The following CADPS2 variants were observed in gnomAD, a reference collection of about 807,000 sequenced individuals.
CADPS2 encodes calcium dependent secretion activator 2, also known as calcium-dependent secretion activator 2.
CADPS2 carries 93 observed loss-of-function variants against 172.5 expected under a neutral mutation model. The observed-to-expected ratio is 0.54, with a 90% CI of 0.46 to 0.64. CADPS2 has a LOEUF of 0.64. Ranked by LOEUF, CADPS2 falls within the 30% of genes least tolerant of loss-of-function variation. The pLI is 0.00. For missense variants in CADPS2, 1,420 were observed against 1,565.9 expected, an observed-to-expected ratio of 0.91 and a Z score of 1.57; for synonymous variants, 546 against 555.2, an observed-to-expected ratio of 0.98 and a Z score of 0.23.
chr7:122,656,450 G>T (rs1588168771), intron 3 of CADPS2, among the ~76,000 whole-genome samples: 1 of 152,208 alleles, frequency 6.6e-6, no homozygotes, highest in Non-Finnish European at 1.5e-5. Flanking sequence ...GAGAGAACAG[G>T]AGACAGGACT....
At chr7:122,552,327 G>A (rs1387900806) in intron 8 of CADPS2, among the ~76,000 whole-genome samples, 1 of 152,096 alleles carries the variant, frequency 6.6e-6, no homozygotes, top group Non-Finnish European at 1.5e-5. Context: ...GGAAATGCCT[G>A]TATCTCTTAG....
At chr7:122,606,402 G>C (rs2073548889) in intron 6 of CADPS2, among the ~76,000 whole-genome samples, 1 of 152,140 alleles carries the variant, frequency 6.6e-6, no homozygotes, top group South Asian at 2.1e-4. Flanking sequence ...TGGGGAAGTT[G>C]TCTTGCTTAT....
chr7:122,503,329 C>A (rs745427327), intron 9 of CADPS2, among the ~76,000 whole-genome samples: 1 of 152,010 alleles, frequency 6.6e-6, no homozygotes. Flanking sequence ...CCACTGTGCA[C>A]GGCCAATACA....
rs73717672 is a variant in CADPS2, at chr7:122,525,919, G to A, written c.1476-12604C>T. Reference sequence around the variant, plus strand: ...TGTTTCTAAGCATATCTAAACATAGGCTACAGTAAAAAAGGTTATAATCTT... The same window carrying A: ...TGTTTCTAAGCATATCTAAACATAGACTACAGTAAAAAAGGTTATAATCTT... On this transcript the variant is annotated intron_variant, in intron 8 of 29. Transcript: ENST00000449022. Among the ~76,000 whole-genome samples the A allele has an allele frequency of 7.8e-3, 1,185 of 152,148 alleles. 16 individuals carry two copies. The highest frequency in any genetic ancestry group is 0.028 in the African/African-American group (1,145 of 41,504).
intron 1 of CADPS2, among the ~76,000 whole-genome samples, chr7:122,829,732 A>G (rs926597163): frequency 2.6e-5 from 4 of 152,216 alleles, no homozygotes; most frequent in Non-Finnish European, 5.9e-5. Context: ...GTCTTTTAAG[A>G]AAACATTCAG....
chr7:122,702,048 C>T lies in CADPS2; in HGVS notation c.453+34907G>A, dbSNP rs745627657. 1.7e-5 allele frequency: 27 copies of T among 1,613,496 alleles called. No homozygotes were observed. The South Asian group carries it at 2.4e-4, about 14-fold the overall frequency. On this transcript the variant is annotated intron_variant, in intron 2 of 29. Coordinates refer to ENST00000449022, the MANE Select transcript of CADPS2 (RefSeq NM_017954.11). ...ACTCGCAGTTGAAGCTGGTCAATAG[C>T]TTTCTTCACATCTGTCTTTATTTGA...
At chr7:122,697,783 T>C (rs1311042830) in intron 2 of CADPS2, 4 of 1,558,930 alleles carry the variant, frequency 2.6e-6, no homozygotes, top group Non-Finnish European at 3.5e-6. Flanking sequence ...TCAAAAGTCA[T>C]GCCATCAAGG....
intron 1 of CADPS2, among the ~76,000 whole-genome samples, chr7:122,845,029 A>C (rs145417558): frequency 5.1e-4 from 77 of 152,318 alleles, no homozygotes; most frequent in African/African-American, 1.8e-3. Context: ...AAAACTTCAA[A>C]TAAGGCTTCC....
chr7:122,667,674 G>T (rs1176620124), intron 2 of CADPS2, among the ~76,000 whole-genome samples: 1 of 152,106 alleles, frequency 6.6e-6, no homozygotes, highest in Non-Finnish European at 1.5e-5. Context: ...AAAGGCAAAA[G>T]AAAAGAAGTT....
intron 6 of CADPS2, among the ~76,000 whole-genome samples, chr7:122,599,226 G>A (rs920696136): frequency 3.9e-5 from 6 of 151,972 alleles, no homozygotes; most frequent in Non-Finnish European, 8.8e-5. Context: ...CCTCCAAAAC[G>A]CAACAGAATT....
chr7:122,386,039 T>C (rs1028523818), intron 24 of CADPS2, among the ~76,000 whole-genome samples: 1 of 152,112 alleles, frequency 6.6e-6, no homozygotes, highest in Non-Finnish European at 1.5e-5. Context: ...GAGGAGTTTA[T>C]AAATTCTGCA....
chr7:122,669,537 G>T (rs1394415872), intron 2 of CADPS2, among the ~76,000 whole-genome samples: 1 of 151,868 alleles, frequency 6.6e-6, no homozygotes, highest in Admixed American at 6.6e-5. Context: ...GTATTGAAAG[G>T]CATGAGCTCC....
At chr7:122,670,173 T>C (rs968873844) in intron 2 of CADPS2, among the ~76,000 whole-genome samples, 1 of 143,150 alleles carries the variant, frequency 7.0e-6, no homozygotes, top group African/African-American at 2.6e-5. Flanking sequence ...TTATTGTCAA[T>C]TGGCATATAT....
chr7:122,656,277 G>C (rs1030016033), intron 3 of CADPS2, among the ~76,000 whole-genome samples: 6 of 152,034 alleles, frequency 3.9e-5, no homozygotes, highest in African/African-American at 9.7e-5. Flanking sequence ...GCAGAAAAAA[G>C]GGGGAGAAAG....
At chr7:122,577,133 G>A (rs2068157202) in intron 7 of CADPS2, among the ~76,000 whole-genome samples, 1 of 152,052 alleles carries the variant, frequency 6.6e-6, no homozygotes, top group African/African-American at 2.4e-5. Context: ...ACCCTGTGAA[G>A]AAGTGCCTTC....
At chr7:122,572,934 T>G (rs2067466439) in intron 7 of CADPS2, among the ~76,000 whole-genome samples, 1 of 152,132 alleles carries the variant, frequency 6.6e-6, no homozygotes, top group African/African-American at 2.4e-5. Flanking sequence ...CGTAAATAGG[T>G]ATTTGCATCT....
At chr7:122,626,751 G>C (rs2076128048) in intron 4 of CADPS2, among the ~76,000 whole-genome samples, 1 of 152,134 alleles carries the variant, frequency 6.6e-6, no homozygotes, top group South Asian at 2.1e-4. Flanking sequence ...CTGTATAGTT[G>C]GTGTTCAATA....
At chr7:122,769,178 T>C (rs2093639643) in intron 1 of CADPS2, among the ~76,000 whole-genome samples, 1 of 152,202 alleles carries the variant, frequency 6.6e-6, no homozygotes. Flanking sequence ...TTTATGATTA[T>C]CACATAAGAA....
intron 8 of CADPS2, among the ~76,000 whole-genome samples, chr7:122,526,543 A>G (rs1316495801): frequency 6.6e-6 from 1 of 152,090 alleles, no homozygotes; most frequent in Admixed American, 6.6e-5. Context: ...TCCTCTGTAC[A>G]AATACTCTCT....
Sources: gnomAD v4.1 joint callset for allele counts (sites outside exome capture counted in the v4.1 genomes callset) on GRCh38, gnomAD v4.1.1 for gene constraint, MANE v1.5 for transcripts, NCBI Gene and HGNC (gene_info 2026-07-23, HGNC 2026-07-21) for gene names.